The following ORC1 variants were observed in gnomAD, a reference collection of about 807,000 sequenced individuals.
ORC1 encodes origin recognition complex subunit 1, also known as origin recognition complex, subunit 1 homolog.
Under a neutral mutation model 98.9 loss-of-function variants are expected in ORC1, and 61 were observed. That is an observed-to-expected ratio of 0.62 (90% CI 0.50 to 0.76). The LOEUF is 0.76. Ranked by LOEUF, ORC1 falls within the 30% of genes least tolerant of loss-of-function variation. The pLI is 0.00. For missense variants in ORC1, 979 were observed against 1,072.2 expected (o/e 0.91, Z 1.21); for synonymous variants, 385 against 406.9 (o/e 0.95, Z 0.65).
intron 14 of ORC1, among the ~76,000 whole-genome samples, chr1:52,379,980 T>C (rs1268480542): frequency 6.6e-6 from 1 of 152,090 alleles, no homozygotes; most frequent in African/African-American, 2.4e-5. Context: ...AAGCAAAGTT[T>C]AGCAAAAAGT....
At chr1:52,391,091 A>G (rs1460534299) in intron 6 of ORC1, among the ~76,000 whole-genome samples, 1 of 151,406 alleles carries the variant, frequency 6.6e-6, no homozygotes, top group Non-Finnish European at 1.5e-5. Flanking sequence ...CAGGTGGATC[A>G]CAAGGTCAGG....
intron 4 of ORC1, 149 bp from the exon 5 acceptor site, chr1:52,396,513 A>T: frequency 2.3e-6 from 2 of 853,900 alleles, no homozygotes; most frequent in South Asian, 3.2e-5. Context: ...GACATGGCAT[A>T]GCATATTGCT....
intron 14 of ORC1, among the ~76,000 whole-genome samples, chr1:52,376,001 C>T (rs1040367453): frequency 2.0e-5 from 3 of 152,192 alleles, no homozygotes; most frequent in Non-Finnish European, 4.4e-5. Context: ...GGAGATAAAG[C>T]CATAGCCAGG....
chr1:52,397,987 A>T (rs1557584741), intron 3 of ORC1, 124 bp from the exon 4 acceptor site: 7 of 916,306 alleles, frequency 7.6e-6, no homozygotes, highest in Non-Finnish European at 1.2e-5. Flanking sequence ...TTGTTTTTTG[A>T]GACAGAGTCT....
At chr1:52,402,989 G>A (rs924065118) in intron 1 of ORC1, among the ~76,000 whole-genome samples, 18 of 152,148 alleles carry the variant, frequency 1.2e-4, no homozygotes, top group African/African-American at 4.1e-4. Context: ...ACTCAAACCC[G>A]GAAAAGCCAG....
intron 8 of ORC1, among the ~76,000 whole-genome samples, chr1:52,387,736 G>A (rs1647162795): frequency 6.6e-6 from 1 of 152,106 alleles, no homozygotes; most frequent in African/African-American, 2.4e-5. Context: ...GGGATTACAC[G>A]CATGAGCCAC....
At chr1:52,378,454 G>A (rs1557569855) in intron 14 of ORC1, among the ~76,000 whole-genome samples, 1 of 151,554 alleles carries the variant, frequency 6.6e-6, no homozygotes, top group Non-Finnish European at 1.5e-5. Context: ...GAGGTCAGGA[G>A]TTCAAGACCA....
intron 5 of ORC1, among the ~76,000 whole-genome samples, chr1:52,395,735 G>A (rs1025006508): frequency 2.6e-4 from 39 of 152,322 alleles, no homozygotes; most frequent in African/African-American, 9.1e-4. Context: ...AGGATCATTT[G>A]AGCCCAAGAG....
intron 1 of ORC1, 70 bp from the exon 2 acceptor site, chr1:52,402,298 TAGTC>T (rs1647751180): frequency 3.5e-6 from 4 of 1,137,968 alleles, no homozygotes; most frequent in Admixed American, 1.8e-5. Context: ...TTCTAAGACA[TAGTC>T]AGTCCCTCCC....
intron 13 of ORC1, among the ~76,000 whole-genome samples, chr1:52,383,151 C>T (rs564876351): frequency 1.3e-5 from 2 of 152,044 alleles, no homozygotes; most frequent in South Asian, 4.1e-4. Context: ...TCAATGCAAA[C>T]TCTGCCTCCG....
intron 14 of ORC1, among the ~76,000 whole-genome samples, chr1:52,376,941 C>T (rs993380547): frequency 7.9e-5 from 12 of 152,178 alleles, no homozygotes; most frequent in African/African-American, 2.7e-4. Context: ...AGACCCATCA[C>T]GCAGAACGGA....
chr1:52,402,314 T>G (rs1307302264), intron 1 of ORC1, 86 bp from the exon 2 acceptor site: 1 of 946,166 alleles, frequency 1.1e-6, no homozygotes, highest in Non-Finnish European at 1.7e-6. Flanking sequence ...GTCCCTCCCT[T>G]CAAATGAGAT....
Position 52,385,937 on chromosome 1 carries a change from T to G in ORC1, c.1396A>C (p.Thr466Pro), listed in dbSNP as rs1353660876. 6.2e-7 allele frequency: 1 copy of G among 1,613,350 alleles called. No homozygotes were observed. Among genetic ancestry groups the G allele is most frequent in the Non-Finnish European group, 8.5e-7 (1 of 1,179,804 alleles). ...ATCTGAGGAGCGGCACAACGTGGCG[T>G]TCTAGGCTTGAGCTGTATTGAAAAC... Reference protein sequence around the residue: ...KVPKKSLKPRTPRCAAPQIRS... With the variant: ...KVPKKSLKPRPPRCAAPQIRS... Residue 466 changes from threonine to proline, a missense_variant, in exon 9 of 17, where the codon ACG becomes CCG. Coordinates refer to ENST00000371568, the MANE Select transcript of ORC1 (RefSeq NM_004153.4).
At chr1:52,380,042 A>C (rs1210804262) in intron 14 of ORC1, among the ~76,000 whole-genome samples, 1 of 152,248 alleles carries the variant, frequency 6.6e-6, no homozygotes, top group Non-Finnish European at 1.5e-5. Context: ...TCCCTTACCA[A>C]AAATAGATGA....
intron 14 of ORC1, among the ~76,000 whole-genome samples, chr1:52,376,491 G>C (rs942936823): frequency 2.0e-5 from 3 of 151,942 alleles, no homozygotes; most frequent in African/African-American, 7.3e-5. Flanking sequence ...CTCCAGTCTA[G>C]AGTCCATCTA....
intron 10 of ORC1, 111 bp from the exon 11 acceptor site, chr1:52,384,832 T>G: frequency 1.0e-6 from 1 of 981,282 alleles, no homozygotes; most frequent in Non-Finnish European, 1.6e-6. Context: ...ACCCTTGAAA[T>G]GTGGAGGTGG....
intron 3 of ORC1, among the ~76,000 whole-genome samples, chr1:52,398,467 T>C (rs1004434447): frequency 2.0e-5 from 3 of 152,118 alleles, no homozygotes; most frequent in African/African-American, 7.2e-5. Context: ...TTTCACCATG[T>C]TGGCCAGGCT....
Position 52,396,029 on chromosome 1 carries a change from T to G in ORC1, c.721+17A>C. 1 of 1,614,182 alleles carries G rather than the reference T, an allele frequency of 6.2e-7. No individual in the cohort carries two copies. The highest frequency in any genetic ancestry group is 8.5e-7 in the Non-Finnish European group (1 of 1,180,030). On this transcript the variant is annotated intron_variant, in intron 5 of 16. Transcript: ENST00000371568. Reference sequence around the variant, plus strand: ...TTAGCCCCAGTATTGCCCACGGTGATCCATTCCACAACTTACTGCCAAGCT... The same window carrying G: ...TTAGCCCCAGTATTGCCCACGGTGAGCCATTCCACAACTTACTGCCAAGCT...
chr1:52,406,329 C>T (rs1441643453), upstream of ORC1, among the ~76,000 whole-genome samples: 5 of 152,112 alleles, frequency 3.3e-5, no homozygotes, highest in African/African-American at 9.7e-5. Flanking sequence ...TATTAATCTT[C>T]TACTTTACTT....
Sources: allele counts gnomAD v4.1 joint callset (sites outside exome capture counted in the v4.1 genomes callset), GRCh38; gene constraint gnomAD v4.1.1; transcripts MANE v1.5; gene names NCBI Gene and HGNC (gene_info 2026-07-23, HGNC 2026-07-21).